NRG3: variants seen among roughly 807,000 people sequenced by gnomAD.
The protein encoded by NRG3 is pro-neuregulin-3, membrane-bound isoform.
A neutral mutation model predicts 66.9 loss-of-function variants in NRG3; 31 were observed. That is an observed-to-expected ratio of 0.46 (90% CI 0.35 to 0.63). NRG3 has a LOEUF of 0.63. Among genes scored for constraint, NRG3 ranks in the 20% least tolerant of loss-of-function variants. The pLI is 0.00. For synonymous variants in NRG3, 393 were observed against 359.4 expected (o/e 1.09, Z -1.06); for missense variants, 910 against 878.9 (o/e 1.04, Z -0.45).
At chr10:82,474,754 A>G (rs1341665627) in intron 2 of NRG3, among the ~76,000 whole-genome samples, 1 of 152,162 alleles carries the variant, frequency 6.6e-6, no homozygotes, top group Non-Finnish European at 1.5e-5. Flanking sequence ...AAATGAATAT[A>G]CAAATACAAG....
intron 2 of NRG3, among the ~76,000 whole-genome samples, chr10:82,663,196 A>G (rs1382443958): frequency 6.6e-6 from 1 of 152,216 alleles, no homozygotes; most frequent in Non-Finnish European, 1.5e-5. Context: ...GTCCTCACAG[A>G]GTCAGTCAAT....
chr10:82,418,945 A>T (rs1433373762), intron 2 of NRG3, among the ~76,000 whole-genome samples: 2 of 152,256 alleles, frequency 1.3e-5, no homozygotes, highest in East Asian at 3.9e-4. Context: ...AGATTTACTG[A>T]GCTACTTCTT....
At chr10:82,208,845 T>C (rs2075260405) in intron 1 of NRG3, among the ~76,000 whole-genome samples, 1 of 152,268 alleles carries the variant, frequency 6.6e-6, no homozygotes, top group African/African-American at 2.4e-5. Flanking sequence ...TATAAAGTTA[T>C]CCAGAATTGT....
At chr10:81,979,034 C>T (rs1234864413) in intron 1 of NRG3, among the ~76,000 whole-genome samples, 1 of 151,858 alleles carries the variant, frequency 6.6e-6, no homozygotes, top group Non-Finnish European at 1.5e-5. Flanking sequence ...ATTAAAAGTA[C>T]AAAAATTAGC....
Position 82,738,582 on chromosome 10 carries a change from A to C in NRG3, c.959A>C (p.Lys320Thr). 1 of 1,614,030 alleles carries C rather than the reference A, an allele frequency of 6.2e-7. No homozygotes were observed. Among genetic ancestry groups the C allele is most frequent in the South Asian group, 1.1e-5 (1 of 91,082 alleles). ...LTGSHKHCRCKEGYQGVRCDQ... is the reference protein window; with the variant it reads ...LTGSHKHCRCTEGYQGVRCDQ... ...CATTTATCCCCTTTTCTCAGGTGCA[A>C]AGAAGGCTACCAAGGAGTCCGTTGT... Residue 320 changes from lysine (K) to threonine (T), a missense_variant, in exon 3 of 9, where the codon AAA becomes ACA. Coordinates refer to ENST00000372141, the MANE Select transcript of NRG3 (RefSeq NM_001010848.4).
chr10:82,157,439 T>A (rs1474292103), intron 1 of NRG3, among the ~76,000 whole-genome samples: 1 of 151,784 alleles, frequency 6.6e-6, no homozygotes, highest in Non-Finnish European at 1.5e-5. Context: ...CCTGAGATTT[T>A]ATTTTTCTTA....
At chr10:82,138,997 A>G (rs2069573925) in intron 1 of NRG3, among the ~76,000 whole-genome samples, 1 of 152,132 alleles carries the variant, frequency 6.6e-6, no homozygotes, top group Admixed American at 6.5e-5. Flanking sequence ...TCAAAGACAT[A>G]TCCAGGAACA....
In NRG3 at chr10:82,500,899, G is replaced by T. The variant is rs73307862; in HGVS notation, c.953+142031G>T. Among the ~76,000 whole-genome samples, 561 of 152,200 alleles carry T rather than the reference G, an allele frequency of 3.7e-3. 3 individuals carry two copies. The highest frequency in any genetic ancestry group is 0.013 in the African/African-American group (542 of 41,504). On this transcript the variant is annotated intron_variant, in intron 2 of 8. Transcript: ENST00000372141. ...TGGTATCAAGTTTAAAGGTCTAGAT[G>T]GTAGATGGTTATTTAATGAGAGGTA... is the stretch of plus-strand genomic sequence containing the variant.
chr10:82,301,553 A>T (rs1034082313), intron 1 of NRG3, among the ~76,000 whole-genome samples: 3 of 151,892 alleles, frequency 2.0e-5, no homozygotes, highest in Non-Finnish European at 4.4e-5. Flanking sequence ...CTGTTTACTG[A>T]TACTAATCTA....
chr10:82,206,284 T>C (rs2075111318), intron 1 of NRG3, among the ~76,000 whole-genome samples: 3 of 152,204 alleles, frequency 2.0e-5, no homozygotes, highest in Admixed American at 2.0e-4. Context: ...GATAATACCT[T>C]TGGTCTCTTC....
At chr10:82,638,064 T>C (rs2050316508) in intron 2 of NRG3, among the ~76,000 whole-genome samples, 1 of 152,212 alleles carries the variant, frequency 6.6e-6, no homozygotes, top group African/African-American at 2.4e-5. Context: ...AGTTTAGAGT[T>C]AGTGACTTCT....
intron 2 of NRG3, among the ~76,000 whole-genome samples, chr10:82,677,309 G>A (rs926439737): frequency 2.0e-5 from 3 of 151,862 alleles, no homozygotes; most frequent in African/African-American, 7.3e-5. Flanking sequence ...CTAAACTGTT[G>A]GGATTATAGG....
At chr10:82,381,079 A>G (rs1037694778) in intron 2 of NRG3, among the ~76,000 whole-genome samples, 1 of 152,142 alleles carries the variant, frequency 6.6e-6, no homozygotes, top group African/African-American at 2.4e-5. Flanking sequence ...CAAGCAGACA[A>G]AATGGAATAT....
At chr10:82,840,470 A>T (rs1044166663) in intron 3 of NRG3, among the ~76,000 whole-genome samples, 9 of 152,154 alleles carry the variant, frequency 5.9e-5, no homozygotes, top group African/African-American at 2.2e-4. Context: ...ATAATCAATG[A>T]CATCATAATT....
chr10:82,264,888 A>G (rs551774394), intron 1 of NRG3, among the ~76,000 whole-genome samples: 1 of 152,302 alleles, frequency 6.6e-6, no homozygotes, highest in African/African-American at 2.4e-5. Flanking sequence ...TGGGTACAAA[A>G]GAGAGAAGGG....
At position 82,597,878 on chromosome 10, in the gene NRG3, G is replaced by A. The variant is rs182032213; in HGVS notation, c.954-140699G>A. Among the ~76,000 whole-genome samples the A allele has an allele frequency of 1.9e-3, 283 of 149,936 alleles. 1 individual carries two copies. Among genetic ancestry groups the A allele is most frequent in the Non-Finnish European group, 3.2e-3 (218 of 67,758 alleles). On this transcript the variant is annotated intron_variant, in intron 2 of 8. Transcript: ENST00000372141. ...GGTGGTTGCAGTGAGCCGAGATCGC[G>A]CCATTGCACTCCAGCCTGGTGACAG...
At chr10:82,025,687 A>T (rs990399056) in intron 1 of NRG3, among the ~76,000 whole-genome samples, 1 of 152,112 alleles carries the variant, frequency 6.6e-6, no homozygotes, top group Admixed American at 6.6e-5. Context: ...GTGAGAAAAC[A>T]TACTTTATTT....
intron 4 of NRG3, among the ~76,000 whole-genome samples, chr10:82,912,383 C>A (rs1845404340): frequency 6.6e-6 from 1 of 152,066 alleles, no homozygotes; most frequent in Admixed American, 6.6e-5. Flanking sequence ...AAAGTTGACT[C>A]CTTTATCATT....
At chr10:82,198,259 T>G (rs1449517221) in intron 1 of NRG3, among the ~76,000 whole-genome samples, 1 of 152,010 alleles carries the variant, frequency 6.6e-6, no homozygotes, top group Non-Finnish European at 1.5e-5. Flanking sequence ...ATATAAACAC[T>G]ACTTCCTTGG....
Sources: allele counts gnomAD v4.1 joint callset (sites outside exome capture counted in the v4.1 genomes callset), GRCh38; gene constraint gnomAD v4.1.1; transcripts MANE v1.5; gene names NCBI Gene and HGNC (gene_info 2026-07-23, HGNC 2026-07-21).